GNG4: variants seen among roughly 807,000 people sequenced by gnomAD.
The protein encoded by GNG4 is G protein subunit gamma 4, also known as guanine nucleotide-binding protein G(I)/G(S)/G(O) subunit gamma-4.
GNG4 carries 4 observed loss-of-function variants against 5.8 expected under a neutral mutation model. The observed-to-expected ratio is 0.69, with a 90% confidence interval of 0.34 to 1.57. The LOEUF is 1.57. Ranked by LOEUF, GNG4 falls within the 40% of genes most tolerant of loss-of-function variation. The pLI, the probability that GNG4 is intolerant of heterozygous loss-of-function variation, is 0.06. For missense variants in GNG4, 96 were observed against 95.1 expected, an observed-to-expected ratio of 1.01 and a Z score of -0.04; for synonymous variants, 29 against 32.9, an observed-to-expected ratio of 0.88 and a Z score of 0.41.
At chr1:235,587,386 CGTGTGTGAGCATGTATG>C in intron 2 of GNG4, among the ~76,000 whole-genome samples, 1 of 33,164 alleles carries the variant, frequency 3.0e-5, no homozygotes, top group Non-Finnish European at 5.3e-5. Flanking sequence ...TGTGTGAGCA[CGTGTGTGAGCATGTATG>C]AGGGTGAGGG....
At chr1:235,627,109 G>T (rs1329040741) in intron 1 of GNG4, among the ~76,000 whole-genome samples, 1 of 151,828 alleles carries the variant, frequency 6.6e-6, no homozygotes, top group South Asian at 2.1e-4. Context: ...GGGAGGCTCT[G>T]TCACTTGGCA....
intron 3 of GNG4, among the ~76,000 whole-genome samples, chr1:235,577,113 A>G (rs1687502357): frequency 6.6e-6 from 1 of 152,074 alleles, no homozygotes; most frequent in Admixed American, 6.5e-5. Flanking sequence ...CCTCCTTAGA[A>G]ACTCTCCTGA....
intron 1 of GNG4, among the ~76,000 whole-genome samples, chr1:235,608,510 A>C (rs577304261): frequency 6.6e-6 from 1 of 152,264 alleles, no homozygotes; most frequent in South Asian, 2.1e-4. Context: ...GCAGTTCTCC[A>C]TTAAGCAGTT....
At chr1:235,600,232 A>G (rs1270305075) in intron 1 of GNG4, among the ~76,000 whole-genome samples, 1 of 148,156 alleles carries the variant, frequency 6.7e-6, no homozygotes, top group Non-Finnish European at 1.5e-5. Flanking sequence ...GTCCTGCCTC[A>G]GTCACTCGAG....
rs1413286542 is a variant in GNG4 at position 235,580,483 on chromosome 1, A to AC, written c.99+3256_99+3257insG. On this transcript the variant is annotated intron_variant, in intron 3 of 3. Transcript: ENST00000391854. ...AAGGGTGTCCAAGCAAGAAAAAAACAAAAACCACCCATGTGTGCTCACGCA... is the reference window on the plus strand; with the variant it reads ...AAGGGTGTCCAAGCAAGAAAAAAACACAAAACCACCCATGTGTGCTCACGCA... Among the ~76,000 whole-genome samples, 3 of 152,250 alleles carry AC rather than the reference A, an allele frequency of 2.0e-5. No individual in the cohort carries two copies. The East Asian group carries it at 5.8e-4, about 29-fold the overall frequency.
chr1:235,566,894 T>C (rs1687210765), intron 3 of GNG4: 1 of 152,358 alleles, frequency 6.6e-6, no homozygotes, highest in East Asian at 1.9e-4. Flanking sequence ...TCTATAGCGA[T>C]GGAAGCTGGA....
Position 235,549,658 on chromosome 1 carries a change from C to T in GNG4, c.*2451G>A, listed in dbSNP as rs1686687327. 1 of 152,198 alleles carries T rather than the reference C, an allele frequency of 6.6e-6. No homozygotes were observed. Among genetic ancestry groups the T allele is most frequent in the African/African-American group, 2.4e-5 (1 of 41,440 alleles). The allele number at this position is 152,198 out of a possible 1,614,324, so 9.4% of individuals were successfully genotyped here. On this transcript the variant is annotated 3_prime_UTR_variant, in exon 4 of 4. Transcript: ENST00000391854. Reference sequence around the variant, plus strand: ...CTCTAGTTTGAGCATCTTAACAACACTGGTATTATTAGTGAGCTGATAATG... The same window carrying T: ...CTCTAGTTTGAGCATCTTAACAACATTGGTATTATTAGTGAGCTGATAATG...
At chr1:235,638,966 AC>A (rs1303002039) in intron 1 of GNG4, among the ~76,000 whole-genome samples, 1 of 152,178 alleles carries the variant, frequency 6.6e-6, no homozygotes, top group African/African-American at 2.4e-5. Context: ...CAATAAACAT[AC>A]ATGTGCATGT....
intron 1 of GNG4, among the ~76,000 whole-genome samples, chr1:235,608,895 G>A (rs1419678732): frequency 6.6e-6 from 1 of 152,008 alleles, no homozygotes; most frequent in Non-Finnish European, 1.5e-5. Flanking sequence ...TGTTGGCCAG[G>A]CTGATCTGGA....
intron 3 of GNG4, among the ~76,000 whole-genome samples, chr1:235,582,556 G>A (rs1312748215): frequency 6.6e-6 from 1 of 152,132 alleles, no homozygotes; most frequent in Non-Finnish European, 1.5e-5. Flanking sequence ...CCTTTTTCCT[G>A]TCTGCACTTC....
At chr1:235,579,419 A>AACC (rs71174443) in intron 3 of GNG4, among the ~76,000 whole-genome samples, 72,653 of 149,466 alleles carry the variant, frequency 0.49, 18,400 homozygotes, top group East Asian at 0.81. Flanking sequence ...TAAAAAAAAA[A>AACC]AAGTAAATAC....
chr1:235,630,539 C>T (rs1688910670), intron 1 of GNG4, among the ~76,000 whole-genome samples: 1 of 152,192 alleles, frequency 6.6e-6, no homozygotes, highest in Non-Finnish European at 1.5e-5. Flanking sequence ...TTGCAAAGTG[C>T]CAGCCAGCAC....
intron 1 of GNG4, among the ~76,000 whole-genome samples, chr1:235,630,437 G>A (rs888736180): frequency 4.6e-5 from 7 of 152,194 alleles, no homozygotes; most frequent in African/African-American, 1.4e-4. Flanking sequence ...ATGATGCCAC[G>A]CTCTCATCAC....
chr1:235,597,346 C>T (rs1340857033), intron 1 of GNG4, among the ~76,000 whole-genome samples: 2 of 152,096 alleles, frequency 1.3e-5, no homozygotes, highest in Non-Finnish European at 2.9e-5. Flanking sequence ...TGAAGTTGTG[C>T]TTGGTGCATT....
At chr1:235,632,850 C>T (rs1210129330) in intron 1 of GNG4, among the ~76,000 whole-genome samples, 1 of 152,070 alleles carries the variant, frequency 6.6e-6, no homozygotes, top group South Asian at 2.1e-4. Flanking sequence ...AACGTAGTCA[C>T]GTAGTTTTCA....
chr1:235,554,140 T>C (rs910675496), intron 3 of GNG4, among the ~76,000 whole-genome samples: 16 of 152,212 alleles, frequency 1.1e-4, no homozygotes, highest in African/African-American at 3.4e-4. Context: ...AGGGCTGCGA[T>C]GGACACACAA....
At chr1:235,566,116 G>A (rs1398755290) in intron 3 of GNG4, 1 of 152,246 alleles carries the variant, frequency 6.6e-6, no homozygotes, top group South Asian at 2.1e-4. Flanking sequence ...GATAGACTTT[G>A]GAGGCAGATC....
chr1:235,638,226 T>C (rs967836230), intron 1 of GNG4, among the ~76,000 whole-genome samples: 4 of 152,254 alleles, frequency 2.6e-5, no homozygotes, highest in Non-Finnish European at 5.9e-5. Context: ...CACCTCCTGC[T>C]TTCTTCCCTT....
intron 3 of GNG4, among the ~76,000 whole-genome samples, chr1:235,582,194 A>G (rs1002515573): frequency 6.6e-6 from 1 of 152,120 alleles, no homozygotes; most frequent in Non-Finnish European, 1.5e-5. Context: ...CAGAGCTTCA[A>G]CTACCTCCTC....
Sources: allele counts gnomAD v4.1 joint callset (sites outside exome capture counted in the v4.1 genomes callset), GRCh38; gene constraint gnomAD v4.1.1; transcripts MANE v1.5; gene names NCBI Gene and HGNC (gene_info 2026-07-23, HGNC 2026-07-21).